The following FDFT1 variants were observed in gnomAD, a reference collection of about 807,000 sequenced individuals.
The protein encoded by FDFT1 is squalene synthase.
FDFT1 carries 68 observed loss-of-function variants against 46.8 expected under a neutral mutation model. The ratio of observed to expected loss-of-function variants is 1.45; its 90% CI spans 1.19 to 1.78. The LOEUF is 1.78. Among genes scored for constraint, FDFT1 ranks in the 40% most tolerant of loss-of-function variants. The pLI is 0.00. For missense variants in FDFT1, 928 were observed against 524.4 expected (o/e 1.77, Z -7.52); for synonymous variants, 351 against 185.1 (o/e 1.90, Z -7.28).
At position 11,804,948 on chromosome 8, in the gene FDFT1, G is replaced by A. The variant is rs562356808; in HGVS notation, c.99+2017G>A. Among the ~76,000 whole-genome samples, 21 of 120,806 alleles carry A rather than the reference G, an allele frequency of 1.7e-4. No homozygotes were observed. In the South Asian group the frequency reaches 5.4e-3, roughly 31 times the overall value. 79.3% of individuals were successfully genotyped at this position (120,806 alleles called of 152,430 possible). A position where few individuals can be genotyped will look rare whatever the true frequency, so the allele number is the denominator to read the frequency against. On this transcript the variant is annotated intron_variant, in intron 1 of 7. Transcript: ENST00000220584. ...TTTGAGGGGGGGGTCTCACTCCATCGTCCAGGCTAGAATGCTGTGGCCTGA... is the reference window on the plus strand; with the variant it reads ...TTTGAGGGGGGGGTCTCACTCCATCATCCAGGCTAGAATGCTGTGGCCTGA...
intron 3 of FDFT1, among the ~76,000 whole-genome samples, chr8:11,820,353 G>C (rs962354227): frequency 6.6e-6 from 1 of 152,186 alleles, no homozygotes; most frequent in African/African-American, 2.4e-5. Context: ...TTCAAATGCC[G>C]AGCTGGGAGA....
chr8:11,836,908 G>T (rs1428475774), intron 7 of FDFT1, among the ~76,000 whole-genome samples: 2 of 152,256 alleles, frequency 1.3e-5, no homozygotes, highest in Non-Finnish European at 2.9e-5. Context: ...ATGCACGCTT[G>T]CTGTGTGCCA....
rs189285587 is a variant in FDFT1, at chr8:11,821,936, A to G, written c.510+58A>G. The G allele has an allele frequency of 3.3e-4, 527 of 1,583,294 alleles. 3 individuals are homozygous for G. In the African/African-American group the frequency reaches 6.1e-3, roughly 18 times the overall value. Reference sequence around the variant, plus strand: ...GTATTAGACAGAGCTGGCAGTCCTCATAGTGAAGCTCAGAACAAGAAAAGT... The same window carrying G: ...GTATTAGACAGAGCTGGCAGTCCTCGTAGTGAAGCTCAGAACAAGAAAAGT... On this transcript the variant is annotated intron_variant, in intron 4 of 7. Transcript: ENST00000220584.
chr8:11,802,735 C>A, upstream of FDFT1: 2 of 914,552 alleles, frequency 2.2e-6, no homozygotes, highest in South Asian at 1.5e-5. Flanking sequence ...GTCCGGCCAG[C>A]CCCTCGAAGC....
Position 11,829,845 on chromosome 8 carries a change from T to G in FDFT1, c.703-399T>G, listed in dbSNP as rs547493632. On this transcript the variant is annotated intron_variant, in intron 5 of 7. Coordinates refer to ENST00000220584, the MANE Select transcript of FDFT1 (RefSeq NM_004462.5). ...CTGTATATCATAGTGTTTTTTTTTGTTTTGTTTTGTTTTTGTTTTTGTGAC... is the reference window on the plus strand; with the variant it reads ...CTGTATATCATAGTGTTTTTTTTTGGTTTGTTTTGTTTTTGTTTTTGTGAC... Among the ~76,000 whole-genome samples the G allele has an allele frequency of 2.9e-3, 442 of 150,332 alleles. 2 individuals carry two copies. The highest frequency in any genetic ancestry group is 0.01 in the African/African-American group (415 of 40,360).
intron 1 of FDFT1, chr8:11,803,381 C>G: frequency 1.9e-5 from 25 of 1,289,852 alleles, no homozygotes; most frequent in Non-Finnish European, 2.5e-5. Flanking sequence ...TTCACCACCT[C>G]TTCCGGAGCT....
intron 1 of FDFT1, among the ~76,000 whole-genome samples, chr8:11,807,669 C>A (rs1196462345): frequency 6.6e-6 from 1 of 152,222 alleles, no homozygotes; most frequent in African/African-American, 2.4e-5. Context: ...CTTTTTCTCC[C>A]TTTTGGAAAA....
At chr8:11,811,900 A>G (rs139104151) in intron 3 of FDFT1, among the ~76,000 whole-genome samples, 554 of 152,324 alleles carry the variant, frequency 3.6e-3, no homozygotes, top group Non-Finnish European at 5.9e-3. Context: ...ATGGGACTGT[A>G]TGGGAATTAA....
chr8:11,820,384 T>G (rs1809060444), intron 3 of FDFT1, among the ~76,000 whole-genome samples: 3 of 152,208 alleles, frequency 2.0e-5, no homozygotes, highest in Admixed American at 2.0e-4. Flanking sequence ...TCTTCAGAGC[T>G]GTCAGGCAGG....
At chr8:11,804,041 A>T (rs1248567831) in intron 1 of FDFT1, among the ~76,000 whole-genome samples, 2 of 152,264 alleles carry the variant, frequency 1.3e-5, no homozygotes, top group Non-Finnish European at 2.9e-5. Context: ...TTTATTTAAC[A>T]AATATTTGAC....
chr8:11,838,863 A>C lies in FDFT1; in HGVS notation c.*254A>C. 2.0e-6 allele frequency: 1 copy of C among 497,022 alleles called. No homozygotes were observed. The highest frequency in any genetic ancestry group is 3.6e-6 in the Non-Finnish European group (1 of 275,662). 30.8% of individuals were successfully genotyped at this position (497,022 alleles called of 1,614,324 possible). On this transcript the variant is annotated 3_prime_UTR_variant, in exon 8 of 8. Transcript: ENST00000220584. ...GCTTGTGGCTCATGGCAGAGCATTC[A>C]GTGCCACGGTTTAGGTGAAGTCGCT... is the stretch of plus-strand genomic sequence containing the variant.
In FDFT1 at chr8:11,837,490, C is replaced by T. The variant is rs540490668; in HGVS notation, c.1033-898C>T. Among the ~76,000 whole-genome samples the T allele has an allele frequency of 2.2e-4, 33 of 152,302 alleles. No individual in the cohort carries two copies. In the East Asian group the frequency reaches 6.4e-3, roughly 29 times the overall value. ...TAAGCAGTCTACGTGCCTCAGCCTCCTGAAGTGCTGGGATTCCAAACATGA... is the reference window on the plus strand; with the variant it reads ...TAAGCAGTCTACGTGCCTCAGCCTCTTGAAGTGCTGGGATTCCAAACATGA... On this transcript the variant is annotated intron_variant, in intron 7 of 7. Transcript: ENST00000220584.
At chr8:11,835,307 C>G (rs147999911) in intron 7 of FDFT1, among the ~76,000 whole-genome samples, 107 of 152,258 alleles carry the variant, frequency 7.0e-4, no homozygotes, top group African/African-American at 2.4e-3. Flanking sequence ...GGGGTTTGGT[C>G]TAGCAACGAA....
intron 3 of FDFT1, among the ~76,000 whole-genome samples, chr8:11,813,712 C>G (rs149463799): frequency 2.2e-4 from 33 of 152,344 alleles, no homozygotes; most frequent in Non-Finnish European, 4.3e-4. Flanking sequence ...TGTGAACTCG[C>G]TCTGGGACCT....
At chr8:11,809,484 C>G in intron 2 of FDFT1, 183 bp from the exon 3 acceptor site, 2 of 1,322,454 alleles carry the variant, frequency 1.5e-6, no homozygotes, top group Non-Finnish European at 1.9e-6. Flanking sequence ...AAGTTCATTA[C>G]TCTCATGTAA....
At chr8:11,809,329 T>C in intron 2 of FDFT1, 10 of 1,095,036 alleles carry the variant, frequency 9.1e-6, no homozygotes, top group Non-Finnish European at 1.1e-5. Flanking sequence ...TTACTGTGTT[T>C]TTTGACTTTC....
chr8:11,798,655 A>G (rs1229870746), upstream of FDFT1, among the ~76,000 whole-genome samples: 2 of 152,220 alleles, frequency 1.3e-5, no homozygotes, highest in Non-Finnish European at 2.9e-5. Flanking sequence ...AGAGAGATTT[A>G]AAGAATGGGC....
At chr8:11,811,718 C>CG (rs1807739620) in intron 3 of FDFT1, among the ~76,000 whole-genome samples, 1 of 152,172 alleles carries the variant, frequency 6.6e-6, no homozygotes, top group Admixed American at 6.5e-5. Flanking sequence ...ACAGTTGCCC[C>CG]GGGAAGAGTA....
chr8:11,837,358 T>A lies in FDFT1; in HGVS notation c.1033-1030T>A, dbSNP rs142108729. Among the ~76,000 whole-genome samples the A allele has an allele frequency of 4.1e-4, 63 of 152,282 alleles. No homozygotes were observed. In the East Asian group the frequency reaches 6.9e-3, roughly 17 times the overall value. ...TGATCTTCCCACCCCAGTCCCCAAG[T>A]AGCTGGGGGACCACAGGTGCATGCC... On this transcript the variant is annotated intron_variant, in intron 7 of 7. Transcript: ENST00000220584.
Sources: allele counts gnomAD v4.1 joint callset (sites outside exome capture counted in the v4.1 genomes callset), GRCh38; gene constraint gnomAD v4.1.1; transcripts MANE v1.5; gene names NCBI Gene and HGNC (gene_info 2026-07-23, HGNC 2026-07-21).